Variants in RAB2B observed in about 807,000 individuals in gnomAD.
RAB2B encodes the protein RAB2B, member RAS oncogene family.
In RAB2B, 20 loss-of-function variants were observed where a neutral mutation model predicts 29.8. That is an observed-to-expected ratio of 0.67 (90% CI 0.47 to 0.97). The LOEUF is 0.97. RAB2B is among the 50% of genes least tolerant of loss of function. The probability of loss-of-function intolerance (pLI) is 0.00; values close to 1 mark genes in which losing one functional copy is unlikely to be tolerated. For synonymous variants in RAB2B, 93 were observed against 91.7 expected (o/e 1.01, Z -0.08); for missense variants, 218 against 272.0 (o/e 0.80, Z 1.40).
chr14:21,474,971 A>G (rs1313698940), intron 2 of RAB2B, 37 bp from the exon 3 acceptor site: 5 of 1,573,324 alleles, frequency 3.2e-6, no homozygotes, highest in East Asian at 2.2e-5. Context: ...TGTGATTCTC[A>G]CGAACAGCAG....
chr14:21,472,146 A>G (rs1841360483), intron 3 of RAB2B, among the ~76,000 whole-genome samples: 1 of 152,224 alleles, frequency 6.6e-6, no homozygotes, highest in South Asian at 2.1e-4. Context: ...TAAGGAAAAA[A>G]AAATTTTAAT....
Position 21,460,002 on chromosome 14 carries a change from C to A in RAB2B, c.*1194G>T. ...TAATAAGTGGCCACATGTCCCTGAC[C>A]AACTTCACTGCTCTTAAAAGTTTTG... is the stretch of plus-strand genomic sequence containing the variant. On this transcript the variant is annotated 3_prime_UTR_variant, in exon 8 of 8. Coordinates refer to ENST00000397762, the MANE Select transcript of RAB2B (RefSeq NM_032846.4). 2.8e-6 allele frequency: 1 copy of A among 359,334 alleles called. No individual in the cohort carries two copies. Among genetic ancestry groups the A allele is most frequent in the East Asian group, 6.9e-5 (1 of 14,530 alleles). The allele number at this position is 359,334 out of a possible 1,614,324, so 22.3% of individuals were successfully genotyped here.
At chr14:21,461,744 G>A (rs1890561095) in intron 7 of RAB2B, among the ~76,000 whole-genome samples, 1 of 152,096 alleles carries the variant, frequency 6.6e-6, no homozygotes, top group Non-Finnish European at 1.5e-5. Context: ...GCACCCCTGT[G>A]CTCATTTTAG....
At chr14:21,468,610 A>G (rs1469131099) in intron 4 of RAB2B, 60 bp downstream of exon 4, 1 of 1,447,850 alleles carries the variant, frequency 6.9e-7, no homozygotes, top group African/African-American at 1.4e-5. Context: ...ATAGAAAAAA[A>G]AAAAAAGCTT....
Position 21,462,428 on chromosome 14 carries a change from A to T in RAB2B, c.475-10T>A. The T allele has an allele frequency of 6.2e-7, 1 of 1,606,480 alleles. No individual in the cohort carries two copies. Among genetic ancestry groups the T allele is most frequent in the Non-Finnish European group, 8.5e-7 (1 of 1,173,972 alleles). ...CTGTGTTAATGAAGGCCTGAAAGAG[A>T]CATAAATCGTATCATCAGTCTCAAG... On this transcript the variant is annotated splice_polypyrimidine_tract_variant and intron_variant, in intron 6 of 7. Transcript: ENST00000397762.
At chr14:21,470,993 C>CAAAAAAAAAAAAAAAA (rs869211285) in intron 3 of RAB2B, among the ~76,000 whole-genome samples, 9 of 98,766 alleles carry the variant, frequency 9.1e-5, no homozygotes, top group African/African-American at 3.0e-4. Context: ...GCTAAAAATA[C>CAAAAAAAAAAAAAAAA]AAAAAAAAAA....
chr14:21,476,292 T>C (rs1356055363), intron 2 of RAB2B: 3 of 452,482 alleles, frequency 6.6e-6, no homozygotes, highest in Non-Finnish European at 1.2e-5. Context: ...AAAAAAATTA[T>C]ATGACGAGTC....
At chr14:21,471,020 A>AAAAAAAAAAAAAAAAAAAAAAG (rs1890799052) in intron 3 of RAB2B, among the ~76,000 whole-genome samples, 1 of 52,810 alleles carries the variant, frequency 1.9e-5, no homozygotes, top group African/African-American at 5.5e-5. Flanking sequence ...AAAAAAAAAA[A>AAAAAAAAAAAAAAAAAAAAAAG]AAAATAGGTG....
chr14:21,471,207 C>T (rs1444427225), intron 3 of RAB2B, among the ~76,000 whole-genome samples: 1 of 151,164 alleles, frequency 6.6e-6, no homozygotes, highest in African/African-American at 2.4e-5. Flanking sequence ...TCTACTTCAT[C>T]TCATTCCAGT....
intron 7 of RAB2B, among the ~76,000 whole-genome samples, chr14:21,461,830 C>G (rs547866015): frequency 6.6e-6 from 1 of 152,310 alleles, no homozygotes; most frequent in African/African-American, 2.4e-5. Flanking sequence ...TCAGCCTCTC[C>G]AAGTGCTGAG....
chr14:21,472,483 A>G (rs1241554784), intron 3 of RAB2B, among the ~76,000 whole-genome samples: 2 of 152,208 alleles, frequency 1.3e-5, no homozygotes, highest in Non-Finnish European at 2.9e-5. Context: ...CAGGGCTGAC[A>G]ACGGAGAAAT....
At chr14:21,463,904 A>G in intron 5 of RAB2B, 137 bp from the exon 6 acceptor site, 1 of 605,868 alleles carries the variant, frequency 1.7e-6, no homozygotes, top group Non-Finnish European at 2.9e-6. Flanking sequence ...TGATACTCTT[A>G]TACAGAGTTA....
chr14:21,464,729 C>T (rs560755717), intron 5 of RAB2B, among the ~76,000 whole-genome samples: 143 of 152,144 alleles, frequency 9.4e-4, no homozygotes, highest in Middle Eastern at 3.4e-3. Context: ...CAGAGCTGGG[C>T]GTGGTGGCTC....
rs1890496660 is a variant in RAB2B, at chr14:21,459,801, A to T, written c.*1395T>A. 1 of 191,926 alleles carries T rather than the reference A, an allele frequency of 5.2e-6. No individual in the cohort carries two copies. Among genetic ancestry groups the T allele is most frequent in the South Asian group, 9.8e-5 (1 of 10,206 alleles). 11.9% of individuals were successfully genotyped at this position (191,926 alleles called of 1,614,324 possible). On this transcript the variant is annotated 3_prime_UTR_variant, in exon 8 of 8. Transcript: ENST00000397762. ...AGGGCATGTGCAAAGGTATGGAACT[A>T]GGAATAAATATGTCACATTCAGTAA... is the stretch of plus-strand genomic sequence containing the variant.
chr14:21,476,559 C>T lies in RAB2B; in HGVS notation c.87G>A (p.Lys29=). The part of the protein sequence containing the change: ...KSCLLLQFTD[K]RFQPVHDLTI... ...TGAGGTCGTGGACAGGCTGGAACCG[C>T]TTATCTGTAAACTGCAGGAGGAGAC... Residue 29 remains lysine (K), a synonymous_variant, in exon 2 of 8, where the codon AAG becomes AAA. Coordinates refer to ENST00000397762, the MANE Select transcript of RAB2B (RefSeq NM_032846.4). 6.2e-7 allele frequency: 1 copy of T among 1,613,734 alleles called. No homozygotes were observed. Among genetic ancestry groups the T allele is most frequent in the Non-Finnish European group, 8.5e-7 (1 of 1,180,014 alleles).
At chr14:21,474,182 T>C (rs1890890128) in intron 3 of RAB2B, among the ~76,000 whole-genome samples, 2 of 152,030 alleles carry the variant, frequency 1.3e-5, no homozygotes, top group South Asian at 4.1e-4. Context: ...CAAGAGTGAA[T>C]CTCTGTCTCA....
rs147808281 is a variant in RAB2B, at chr14:21,471,285, T to C, written c.187-2533A>G. Among the ~76,000 whole-genome samples, 7 of 151,972 alleles carry C rather than the reference T, an allele frequency of 4.6e-5. No homozygotes were observed. The East Asian group carries it at 1.2e-3, about 25-fold the overall frequency. On this transcript the variant is annotated intron_variant, in intron 3 of 7. Coordinates refer to ENST00000397762, the MANE Select transcript of RAB2B (RefSeq NM_032846.4). ...GCAGTTCAATTTGGTCTTGTCTATA[T>C]CAGTCTCAGGTATCCTTGGCCATCC...
chr14:21,461,054 C>A lies in RAB2B; in HGVS notation c.*142G>T. ...GGACAGGTCAGTAAGGGCCCAAATT[C>A]TCTCCTGGTCTTTAGGTGGAAAGGC... is the stretch of plus-strand genomic sequence containing the variant. On this transcript the variant is annotated 3_prime_UTR_variant, in exon 8 of 8. Coordinates refer to ENST00000397762, the MANE Select transcript of RAB2B (RefSeq NM_032846.4). 1.6e-6 allele frequency: 1 copy of A among 615,018 alleles called. No individual in the cohort carries two copies. The highest frequency in any genetic ancestry group is 2.9e-5 in the East Asian group (1 of 34,814). 38.1% of individuals were successfully genotyped at this position (615,018 alleles called of 1,614,324 possible). A position where few individuals can be genotyped will look rare whatever the true frequency, so the allele number is the denominator to read the frequency against.
intron 3 of RAB2B, chr14:21,474,587 T>G (rs1594417298): frequency 2.8e-6 from 1 of 357,706 alleles, no homozygotes; most frequent in Non-Finnish European, 5.1e-6. Context: ...GGAGAAAGAG[T>G]TTATGTATCA....
Sources: allele counts gnomAD v4.1 joint callset (sites outside exome capture counted in the v4.1 genomes callset), GRCh38; gene constraint gnomAD v4.1.1; transcripts MANE v1.5; gene names NCBI Gene and HGNC (gene_info 2026-07-23, HGNC 2026-07-21).